The following CCDC148 variants were observed in gnomAD, a reference collection of about 807,000 sequenced individuals.
CCDC148 encodes the protein coiled-coil domain-containing protein 148.
CCDC148 carries 89 observed loss-of-function variants against 85.7 expected under a neutral mutation model. That is an observed-to-expected ratio of 1.04 (90% confidence interval 0.87 to 1.24). The LOEUF (loss-of-function observed/expected upper bound fraction) is 1.24. Among genes scored for constraint, CCDC148 ranks in the 50% most tolerant of loss-of-function variants. The pLI is 0.00. For missense variants in CCDC148, 692 were observed against 671.7 expected, an observed-to-expected ratio of 1.03 and a Z score of -0.33; for synonymous variants, 230 against 213.9, an observed-to-expected ratio of 1.08 and a Z score of -0.66.
chr2:158,421,347 T>C (rs1283734612), intron 1 of CCDC148, among the ~76,000 whole-genome samples: 1 of 152,178 alleles, frequency 6.6e-6, no homozygotes, highest in Non-Finnish European at 1.5e-5. Context: ...AGTAAAGCAC[T>C]CCTCAGCAAA....
At chr2:158,441,409 AC>A (rs1171373342) in intron 1 of CCDC148, among the ~76,000 whole-genome samples, 1 of 152,234 alleles carries the variant, frequency 6.6e-6, no homozygotes, top group East Asian at 1.9e-4. Flanking sequence ...TAAATATCAC[AC>A]CAAAAATTTT....
intron 9 of CCDC148, among the ~76,000 whole-genome samples, chr2:158,308,356 T>C (rs1216138675): frequency 6.6e-6 from 1 of 152,244 alleles, no homozygotes; most frequent in Non-Finnish European, 1.5e-5. Context: ...CTTATCAGCC[T>C]GAAGATGGAG....
chr2:158,287,538 A>G (rs1690684564), intron 9 of CCDC148, among the ~76,000 whole-genome samples: 2 of 152,162 alleles, frequency 1.3e-5, no homozygotes, highest in African/African-American at 2.4e-5. Context: ...GGCCCCACAC[A>G]AGTCCAAAAT....
chr2:158,272,547 T>C (rs926280800), intron 9 of CCDC148, among the ~76,000 whole-genome samples: 6 of 152,214 alleles, frequency 3.9e-5, no homozygotes, highest in African/African-American at 1.4e-4. Flanking sequence ...AATATGAAGC[T>C]GTCTCCAGGC....
At chr2:158,177,378 A>G (rs1684645083) in intron 12 of CCDC148, among the ~76,000 whole-genome samples, 1 of 152,132 alleles carries the variant, frequency 6.6e-6, no homozygotes, top group Non-Finnish European at 1.5e-5. Flanking sequence ...AATTAGCATG[A>G]AGAAAATGGC....
At position 158,456,669 on chromosome 2, in the gene CCDC148, C is replaced by G. The variant is rs779627200; in HGVS notation, c.-230G>C. 1.0e-5 allele frequency: 6 copies of G among 584,912 alleles called. No homozygotes were observed. Among genetic ancestry groups the G allele is most frequent in the Middle Eastern group, 4.5e-4 (1 of 2,240 alleles). 36.2% of individuals were successfully genotyped at this position (584,912 alleles called of 1,614,324 possible). A position where few individuals can be genotyped will look rare whatever the true frequency, so the allele number is the denominator to read the frequency against. On this transcript the variant is annotated 5_prime_UTR_variant, in exon 1 of 14. Coordinates refer to ENST00000283233, the MANE Select transcript of CCDC148 (RefSeq NM_138803.4). The stretch of plus-strand genomic sequence containing the variant: ...AATCTCCCTGTCCTCTCCGCCACCC[C>G]CTCCCGCGCCCGAGACCTGAGACAC...
At chr2:158,419,643 A>G (rs539113593) in intron 1 of CCDC148, among the ~76,000 whole-genome samples, 2 of 152,302 alleles carry the variant, frequency 1.3e-5, no homozygotes, top group African/African-American at 4.8e-5. Flanking sequence ...AGCTAGGAAC[A>G]TATGAGATAA....
intron 1 of CCDC148, among the ~76,000 whole-genome samples, chr2:158,403,735 T>C (rs1289748958): frequency 6.6e-6 from 1 of 151,952 alleles, no homozygotes; most frequent in Admixed American, 6.6e-5. Flanking sequence ...AAACACTGTT[T>C]TGTCTTGTCA....
At chr2:158,398,736 C>T (rs1465369706) in intron 1 of CCDC148, among the ~76,000 whole-genome samples, 1 of 152,056 alleles carries the variant, frequency 6.6e-6, no homozygotes. Flanking sequence ...AGAGCAAACA[C>T]ATTCAACAGC....
chr2:158,433,138 T>A (rs1275449961), intron 1 of CCDC148, among the ~76,000 whole-genome samples: 1 of 138,366 alleles, frequency 7.2e-6, no homozygotes, highest in African/African-American at 2.6e-5. Flanking sequence ...CCCACACCTG[T>A]AGTCCCAGCA....
At chr2:158,363,792 T>C (rs899234470) in intron 1 of CCDC148, among the ~76,000 whole-genome samples, 1 of 152,138 alleles carries the variant, frequency 6.6e-6, no homozygotes, top group African/African-American at 2.4e-5. Context: ...CTATTCAACA[T>C]AGTGTTGGAA....
At chr2:158,183,913 C>G (rs1685028538) in intron 11 of CCDC148, among the ~76,000 whole-genome samples, 1 of 152,094 alleles carries the variant, frequency 6.6e-6, no homozygotes, top group Non-Finnish European at 1.5e-5. Flanking sequence ...AGAGGGGACC[C>G]CTTCATTAAC....
At chr2:158,422,883 A>C (rs1574793546) in intron 1 of CCDC148, among the ~76,000 whole-genome samples, 1 of 151,688 alleles carries the variant, frequency 6.6e-6, no homozygotes, top group East Asian at 1.9e-4. Flanking sequence ...AACTTCAGTA[A>C]AGTCTCAGGA....
chr2:158,347,328 T>C (rs991979226), intron 2 of CCDC148, among the ~76,000 whole-genome samples: 4 of 152,068 alleles, frequency 2.6e-5, no homozygotes, highest in Non-Finnish European at 5.9e-5. Context: ...TTCAATTAAG[T>C]AGACTATAAA....
rs1284712755 is a variant in CCDC148, at chr2:158,224,380, G to A, written c.1252-3667C>T. Reference sequence around the variant, plus strand: ...TGATGGGGAGAATGGAAACAAGTTGGAAAACACTCTGCAGGATATTATCCA... The same window carrying A: ...TGATGGGGAGAATGGAAACAAGTTGAAAAACACTCTGCAGGATATTATCCA... On this transcript the variant is annotated intron_variant, in intron 10 of 13. Transcript: ENST00000283233. 2.0e-5 allele frequency among the ~76,000 whole-genome samples: 3 copies of A among 152,202 alleles called. No homozygotes were observed. In the East Asian group the frequency reaches 5.8e-4, roughly 29 times the overall value.
At chr2:158,326,495 T>C (rs1692784889) in intron 7 of CCDC148, among the ~76,000 whole-genome samples, 1 of 152,188 alleles carries the variant, frequency 6.6e-6, no homozygotes, top group Non-Finnish European at 1.5e-5. Flanking sequence ...TGCCAATAAA[T>C]GTTCAATAAA....
At chr2:158,405,541 C>T (rs1357147296) in intron 1 of CCDC148, among the ~76,000 whole-genome samples, 10 of 146,996 alleles carry the variant, frequency 6.8e-5, no homozygotes, top group East Asian at 2.0e-4. Flanking sequence ...CCCAGATTTT[C>T]GCTGAATTTG....
At chr2:158,196,436 T>G (rs1685672321) in intron 11 of CCDC148, among the ~76,000 whole-genome samples, 1 of 152,140 alleles carries the variant, frequency 6.6e-6, no homozygotes, top group Admixed American at 6.6e-5. Context: ...ACCAACCCTC[T>G]TCTCCTCCCC....
intron 2 of CCDC148, among the ~76,000 whole-genome samples, chr2:158,356,014 A>C (rs1683613533): frequency 7.4e-6 from 1 of 136,022 alleles, no homozygotes; most frequent in Non-Finnish European, 1.5e-5. Flanking sequence ...TGCTGGGAAA[A>C]CTGGCTAGCC....
Sources: gnomAD v4.1 joint callset for allele counts (sites outside exome capture counted in the v4.1 genomes callset) on GRCh38, gnomAD v4.1.1 for gene constraint, MANE v1.5 for transcripts, NCBI Gene and HGNC (gene_info 2026-07-23, HGNC 2026-07-21) for gene names.